Variants in MLXIPL observed in about 807,000 individuals in gnomAD.
MLXIPL encodes the protein MLX interacting protein like, also known as carbohydrate-responsive element-binding protein.
In MLXIPL, 49 loss-of-function variants were observed where a neutral mutation model predicts 81.5. The observed-to-expected ratio is 0.60, with a 90% CI of 0.48 to 0.76. The LOEUF is 0.76. Ranked by LOEUF, MLXIPL falls within the 30% of genes least tolerant of loss-of-function variation. MLXIPL has a pLI of 0.00. For missense variants in MLXIPL, 1,053 were observed against 1,167.0 expected (o/e 0.90, Z 1.42); for synonymous variants, 466 against 485.5 (o/e 0.96, Z 0.53).
intron 5 of MLXIPL, chr7:73,606,516 C>T: frequency 3.2e-6 from 1 of 315,074 alleles, no homozygotes; most frequent in Non-Finnish European, 6.0e-6. Flanking sequence ...ACCTCCACCT[C>T]CCAGGTTCAA....
intron 7 of MLXIPL, among the ~76,000 whole-genome samples, chr7:73,602,320 C>T (rs1794944228): frequency 6.6e-6 from 1 of 150,394 alleles, no homozygotes; most frequent in South Asian, 2.1e-4. Flanking sequence ...AAACAATTCT[C>T]CTTGCCTCAG....
chr7:73,607,813 G>T, intron 2 of MLXIPL, 141 bp from the exon 3 acceptor site: 1 of 652,972 alleles, frequency 1.5e-6, no homozygotes, highest in Non-Finnish European at 2.7e-6. Flanking sequence ...GCCTCCTCCA[G>T]GAAGTCTTCT....
In MLXIPL at chr7:73,624,064, C is replaced by A. The variant is rs1311554832; in HGVS notation, c.293+136G>T. 21 of 1,213,500 alleles carry A rather than the reference C, an allele frequency of 1.7e-5. No homozygotes were observed. In the Admixed American group the frequency reaches 2.6e-4, roughly 15 times the overall value. 75.2% of individuals were successfully genotyped at this position (1,213,500 alleles called of 1,614,324 possible). A position where few individuals can be genotyped will look rare whatever the true frequency, so the allele number is the denominator to read the frequency against. On this transcript the variant is annotated intron_variant, in intron 1 of 16. Transcript: ENST00000313375. ...GCTGGGAGAAAGGGGGTGTCCAGGGCGTGATCGGAGCCTCCGGGAGCCGCA... is the reference window on the plus strand; with the variant it reads ...GCTGGGAGAAAGGGGGTGTCCAGGGAGTGATCGGAGCCTCCGGGAGCCGCA...
chr7:73,613,918 T>G (rs1160699120), intron 2 of MLXIPL, among the ~76,000 whole-genome samples: 6 of 151,904 alleles, frequency 3.9e-5, no homozygotes, highest in Non-Finnish European at 7.4e-5. Flanking sequence ...GGGCAGATCA[T>G]CTGAGGTCAG....
the MLXIPL span, among the ~76,000 whole-genome samples, chr7:73,629,578 A>T: frequency 6.6e-6 from 1 of 152,134 alleles, no homozygotes; most frequent in South Asian, 2.1e-4. Context: ...ACAAAAAATT[A>T]AAAAATTAGC....
At chr7:73,640,620 T>C in the MLXIPL span, among the ~76,000 whole-genome samples, 2 of 150,812 alleles carry the variant, frequency 1.3e-5, no homozygotes, top group African/African-American at 2.4e-5. Flanking sequence ...CTACTAAGAA[T>C]ACAAAAATTA....
At chr7:73,619,144 T>C (rs1218307044) in intron 1 of MLXIPL, among the ~76,000 whole-genome samples, 2 of 152,086 alleles carry the variant, frequency 1.3e-5, no homozygotes, top group African/African-American at 4.8e-5. Context: ...GGCAACATAG[T>C]GCAACCCTGT....
the MLXIPL span, among the ~76,000 whole-genome samples, chr7:73,638,185 G>A: frequency 6.6e-6 from 1 of 152,128 alleles, no homozygotes; most frequent in Non-Finnish European, 1.5e-5. Context: ...TTCTCCTCCT[G>A]TCCCTGAGGG....
chr7:73,642,070 T>C, the MLXIPL span, among the ~76,000 whole-genome samples: 1 of 152,164 alleles, frequency 6.6e-6, no homozygotes, highest in East Asian at 1.9e-4. Flanking sequence ...CAGCTATAAA[T>C]CAGGGGTTCT....
chr7:73,615,064 C>A (rs1330808423), intron 2 of MLXIPL, among the ~76,000 whole-genome samples: 2 of 152,134 alleles, frequency 1.3e-5, no homozygotes, highest in South Asian at 2.1e-4. Context: ...CCCGCCTTGG[C>A]CTTCCAAAGT....
At chr7:73,601,848 G>A (rs914084722) in intron 7 of MLXIPL, among the ~76,000 whole-genome samples, 1 of 152,074 alleles carries the variant, frequency 6.6e-6, no homozygotes, top group Non-Finnish European at 1.5e-5. Flanking sequence ...GTCGTCAGTG[G>A]CTTTGCTTTG....
the MLXIPL span, among the ~76,000 whole-genome samples, chr7:73,632,799 C>CTTCT: frequency 7.1e-6 from 1 of 140,894 alleles, no homozygotes; most frequent in East Asian, 2.0e-4. Context: ...TCCTTCCTTC[C>CTTCT]GACGGAGTCT....
Position 73,624,150 on chromosome 7 carries a change from C to T in MLXIPL, c.293+50G>A, listed in dbSNP as rs781962983. On this transcript the variant is annotated intron_variant, in intron 1 of 16. Transcript: ENST00000313375. ...GCGCAGTCCTGCCCCGGACCCCCCC[C>T]CCATCCCCACCTGGAAGCCAAGGCC... The T allele has an allele frequency of 6.1e-6, 9 of 1,473,014 alleles. No individual in the cohort carries two copies. In the East Asian group the frequency reaches 7.6e-5, roughly 12 times the overall value. 91.2% of individuals were successfully genotyped at this position (1,473,014 alleles called of 1,614,324 possible).
intron 1 of MLXIPL, among the ~76,000 whole-genome samples, chr7:73,620,763 G>GAAAA (rs1796298935): frequency 7.0e-6 from 1 of 142,722 alleles, no homozygotes; most frequent in African/African-American, 2.6e-5. Context: ...AGAAAAGAAA[G>GAAAA]AAAAAGGCAG....
intron 7 of MLXIPL, among the ~76,000 whole-genome samples, chr7:73,603,513 A>G (rs1795052147): frequency 6.6e-6 from 1 of 152,130 alleles, no homozygotes; most frequent in Non-Finnish European, 1.5e-5. Flanking sequence ...CCGGGACTGG[A>G]ACAGGGGTGG....
At chr7:73,626,181 T>C (rs2116558806), upstream of MLXIPL, among the ~76,000 whole-genome samples, 1 of 152,260 alleles carries the variant, frequency 6.6e-6, no homozygotes, top group South Asian at 2.1e-4. Flanking sequence ...TTTTTGTATT[T>C]TTAGTAGAGA....
Position 73,605,487 on chromosome 7 carries a change from G to C in MLXIPL, c.901+201C>G, listed in dbSNP as rs1241870907. On this transcript the variant is annotated intron_variant, in intron 7 of 16. Coordinates refer to ENST00000313375, the MANE Select transcript of MLXIPL (RefSeq NM_032951.3). ...GAGGCGGGAGGATCACTTGAGTCTGGAGGGCAGAGGTTGGCACCACTGCAC... is the reference window on the plus strand; with the variant it reads ...GAGGCGGGAGGATCACTTGAGTCTGCAGGGCAGAGGTTGGCACCACTGCAC... 1.2e-4 allele frequency among the ~76,000 whole-genome samples: 19 copies of C among 152,200 alleles called. 1 individual carries two copies.
At chr7:73,641,074 G>A in the MLXIPL span, among the ~76,000 whole-genome samples, 23 of 152,000 alleles carry the variant, frequency 1.5e-4, no homozygotes, top group South Asian at 8.3e-4. Flanking sequence ...GGCCGAGGCA[G>A]GAGGATCACT....
At chr7:73,645,672 C>T in the MLXIPL span, among the ~76,000 whole-genome samples, 4 of 152,184 alleles carry the variant, frequency 2.6e-5, no homozygotes. Flanking sequence ...CTCAACAGTC[C>T]AGGCGAGCCC....
Sources: allele counts gnomAD v4.1 joint callset (sites outside exome capture counted in the v4.1 genomes callset), GRCh38; gene constraint gnomAD v4.1.1; transcripts MANE v1.5; gene names NCBI Gene and HGNC (gene_info 2026-07-23, HGNC 2026-07-21).